Variants in GRIP1 observed in about 807,000 individuals in gnomAD.
The protein encoded by GRIP1 is glutamate receptor interacting protein 1.
A neutral mutation model predicts 129.9 loss-of-function variants in GRIP1; 45 were observed. The ratio of observed to expected loss-of-function variants is 0.35; its 90% confidence interval spans 0.27 to 0.44. The LOEUF is 0.44. Ranked by LOEUF, GRIP1 falls within the 20% of genes least tolerant of loss-of-function variation. The pLI is 1.00. For synonymous variants in GRIP1, 530 were observed against 520.8 expected (o/e 1.02, Z -0.24); for missense variants, 1,196 against 1,396.8 (o/e 0.86, Z 2.29).
intron 1 of GRIP1, among the ~76,000 whole-genome samples, chr12:67,044,650 A>G (rs2043226998): frequency 6.6e-6 from 1 of 152,148 alleles, no homozygotes; most frequent in Non-Finnish European, 1.5e-5. Flanking sequence ...TGCTGCGCTC[A>G]AGCTGACACC....
intron 1 of GRIP1, among the ~76,000 whole-genome samples, chr12:66,894,527 C>T (rs1490645506): frequency 6.6e-6 from 1 of 152,122 alleles, no homozygotes; most frequent in Non-Finnish European, 1.5e-5. Context: ...GCTGCCTATG[C>T]CCCAGGAGGA....
intron 1 of GRIP1, among the ~76,000 whole-genome samples, chr12:66,929,180 A>G (rs1048486760): frequency 2.0e-5 from 3 of 152,164 alleles, no homozygotes; most frequent in African/African-American, 7.2e-5. Flanking sequence ...GAGGCTACAG[A>G]TCACTTCTTG....
intron 1 of GRIP1, among the ~76,000 whole-genome samples, chr12:66,881,054 C>T (rs1474582728): frequency 6.6e-6 from 1 of 151,388 alleles, no homozygotes; most frequent in Non-Finnish European, 1.5e-5. Flanking sequence ...AAAAGGAGGA[C>T]TAAAGGGAGT....
chr12:66,407,985 T>C (rs186028195), intron 15 of GRIP1, among the ~76,000 whole-genome samples: 1 of 152,254 alleles, frequency 6.6e-6, no homozygotes, highest in East Asian at 1.9e-4. Context: ...GAAGACTTTG[T>C]CTTGCAACTT....
At chr12:66,368,591 G>T (rs1037568470) in intron 23 of GRIP1, among the ~76,000 whole-genome samples, 4 of 108,906 alleles carry the variant, frequency 3.7e-5, no homozygotes, top group African/African-American at 1.1e-4. Flanking sequence ...CTGTGGCTTG[G>T]GTTATCTTCA....
At chr12:66,500,712 C>A (rs760570300) in intron 7 of GRIP1, among the ~76,000 whole-genome samples, 2 of 152,136 alleles carry the variant, frequency 1.3e-5, no homozygotes, top group Non-Finnish European at 2.9e-5. Flanking sequence ...CCATTAGATG[C>A]TACAGTGATT....
chr12:66,788,233 A>AAAATACTT (rs1255276177), intron 1 of GRIP1, among the ~76,000 whole-genome samples: 1 of 151,864 alleles, frequency 6.6e-6, no homozygotes, highest in African/African-American at 2.4e-5. Flanking sequence ...ACACAAAAAT[A>AAAATACTT]AAATACTTTT....
chr12:66,465,251 G>C, intron 8 of GRIP1, 24 bp downstream of exon 8: 1 of 1,609,178 alleles, frequency 6.2e-7, no homozygotes, highest in Non-Finnish European at 8.5e-7. Context: ...TGGCGGAAAA[G>C]TAGGCACTTT....
chr12:66,972,323 T>A (rs7967269), intron 1 of GRIP1, among the ~76,000 whole-genome samples: 89,062 of 152,080 alleles, frequency 0.59, 26,588 homozygotes, highest in Non-Finnish European at 0.62. Context: ...GTTCAACAGC[T>A]CTGGCACTGA....
chr12:66,372,414 T>C, intron 22 of GRIP1: 1 of 221,978 alleles, frequency 4.5e-6, no homozygotes, highest in South Asian at 7.0e-5. Context: ...GGATGACTGA[T>C]ATAAAGGCAA....
At chr12:66,788,399 G>A (rs191542954) in intron 1 of GRIP1, among the ~76,000 whole-genome samples, 51 of 151,792 alleles carry the variant, frequency 3.4e-4, no homozygotes, top group Non-Finnish European at 5.7e-4. Context: ...GGCAGTATTC[G>A]GATGGCCCAA....
intron 1 of GRIP1, among the ~76,000 whole-genome samples, chr12:66,954,586 T>A (rs972084963): frequency 3.3e-5 from 5 of 152,196 alleles, no homozygotes; most frequent in Admixed American, 3.3e-4. Flanking sequence ...AAATTAAATA[T>A]GCAGAACCCC....
chr12:66,421,496 G>C (rs560029025), intron 14 of GRIP1, among the ~76,000 whole-genome samples: 12 of 152,090 alleles, frequency 7.9e-5, no homozygotes, highest in African/African-American at 2.7e-4. Context: ...GTGATCCAAG[G>C]ATCACACCAC....
chr12:66,574,571 C>T (rs116992444), intron 2 of GRIP1, among the ~76,000 whole-genome samples: 2 of 152,200 alleles, frequency 1.3e-5, no homozygotes, highest in Non-Finnish European at 2.9e-5. Context: ...GTTTTATAAA[C>T]CTTCCTAGAA....
intron 1 of GRIP1, among the ~76,000 whole-genome samples, chr12:66,809,270 T>C (rs555392022): frequency 6.6e-6 from 1 of 152,392 alleles, no homozygotes; most frequent in East Asian, 1.9e-4. Context: ...CTTCAATTTA[T>C]AACCTTTCCT....
intron 1 of GRIP1, among the ~76,000 whole-genome samples, chr12:66,692,768 G>A (rs1041577917): frequency 6.6e-6 from 1 of 152,178 alleles, no homozygotes; most frequent in Non-Finnish European, 1.5e-5. Context: ...GGACAGCACA[G>A]TGATAAGAGT....
chr12:66,380,935 A>T (rs2056079081), intron 19 of GRIP1, among the ~76,000 whole-genome samples: 1 of 152,120 alleles, frequency 6.6e-6, no homozygotes, highest in Non-Finnish European at 1.5e-5. Context: ...CTGTACCCGC[A>T]TTTTCAGGTA....
At chr12:66,694,211 G>T (rs563619131) in intron 1 of GRIP1, among the ~76,000 whole-genome samples, 5 of 152,160 alleles carry the variant, frequency 3.3e-5, no homozygotes, top group Non-Finnish European at 7.4e-5. Flanking sequence ...TTTCCAGCAT[G>T]ATTTGAGTTG....
intron 24 of GRIP1, among the ~76,000 whole-genome samples, chr12:66,351,685 TG>T (rs2054232539): frequency 1.3e-5 from 2 of 151,466 alleles, no homozygotes; most frequent in Admixed American, 1.3e-4. Flanking sequence ...CAAAAGCTGC[TG>T]TTCGATATAG....
Sources: gnomAD v4.1 joint callset for allele counts (sites outside exome capture counted in the v4.1 genomes callset) on GRCh38, gnomAD v4.1.1 for gene constraint, MANE v1.5 for transcripts, NCBI Gene and HGNC (gene_info 2026-07-23, HGNC 2026-07-21) for gene names.